CELF4: variants seen among roughly 807,000 people sequenced by gnomAD.
CELF4 encodes the protein CUG-BP- and ETR-3-like factor 4.
Under a neutral mutation model 59.9 loss-of-function variants are expected in CELF4, and 18 were observed. The ratio of observed to expected loss-of-function variants is 0.30; its 90% confidence interval spans 0.21 to 0.45. The LOEUF (loss-of-function observed/expected upper bound fraction) is 0.45. Among genes scored for constraint, CELF4 ranks in the 20% least tolerant of loss-of-function variants. CELF4 has a pLI of 1.00. For synonymous variants in CELF4, 261 were observed against 267.1 expected, an observed-to-expected ratio of 0.98 and a Z score of 0.22; for missense variants, 456 against 689.0, an observed-to-expected ratio of 0.66 and a Z score of 3.79.
intron 3 of CELF4, among the ~76,000 whole-genome samples, chr18:37,311,304 G>T (rs954165510): frequency 2.4e-4 from 36 of 152,118 alleles, no homozygotes; most frequent in African/African-American, 8.7e-4. Flanking sequence ...TGCCTGCTCC[G>T]CTGGTGCCTC....
intron 1 of CELF4, among the ~76,000 whole-genome samples, chr18:37,559,904 A>G (rs914152100): frequency 3.3e-5 from 5 of 152,194 alleles, no homozygotes; most frequent in African/African-American, 1.2e-4. Context: ...AGAACTCAGA[A>G]CTTCACTACA....
intron 3 of CELF4, among the ~76,000 whole-genome samples, chr18:37,295,595 C>T (rs1397151807): frequency 6.6e-6 from 1 of 152,116 alleles, no homozygotes; most frequent in Non-Finnish European, 1.5e-5. Flanking sequence ...ATGCACCAGT[C>T]ATCAGAAATA....
At chr18:37,352,204 CCTT>C (rs2098456269) in intron 2 of CELF4, among the ~76,000 whole-genome samples, 1 of 152,234 alleles carries the variant, frequency 6.6e-6, no homozygotes, top group Non-Finnish European at 1.5e-5. Context: ...AGGTGTCCCT[CCTT>C]CTGGGCAAGG....
intron 3 of CELF4, among the ~76,000 whole-genome samples, chr18:37,283,341 T>C (rs1464219186): frequency 2.6e-5 from 4 of 151,722 alleles, no homozygotes; most frequent in Non-Finnish European, 4.4e-5. Context: ...GCAGACCCTG[T>C]CTCTCCCCTG....
chr18:37,402,803 G>T (rs1444598900), intron 2 of CELF4, among the ~76,000 whole-genome samples: 1 of 152,112 alleles, frequency 6.6e-6, no homozygotes, highest in Non-Finnish European at 1.5e-5. Flanking sequence ...TTCTCTTCTG[G>T]GCAGCCCTGT....
At chr18:37,365,481 A>ATT (rs10670336) in intron 2 of CELF4, among the ~76,000 whole-genome samples, 6,360 of 97,710 alleles carry the variant, frequency 0.065, 657 homozygotes, top group African/African-American at 0.18. Flanking sequence ...GGATGGGGCA[A>ATT]TTTTTTTTTT....
In CELF4 at chr18:37,243,270, A is replaced by G. The variant is rs2060903659; in HGVS notation, c.*1972T>C. 6.6e-6 allele frequency: 1 copy of G among 150,856 alleles called. No homozygotes were observed. The highest frequency in any genetic ancestry group is 2.4e-5 in the African/African-American group (1 of 41,094). 9.3% of individuals were successfully genotyped at this position (150,856 alleles called of 1,614,324 possible). On this transcript the variant is annotated 3_prime_UTR_variant, in exon 13 of 13. Coordinates refer to ENST00000420428, the MANE Select transcript of CELF4 (RefSeq NM_020180.4). ...AAGAAAATGAAAAACAACAACAACA[A>G]CAAAATTGACAGAAAGAAAGGAAAG...
intron 3 of CELF4, among the ~76,000 whole-genome samples, chr18:37,311,574 G>C (rs1474054745): frequency 6.6e-6 from 1 of 152,096 alleles, no homozygotes; most frequent in Non-Finnish European, 1.5e-5. Context: ...TGGATCACGA[G>C]GTCACGAGTT....
intron 1 of CELF4, among the ~76,000 whole-genome samples, chr18:37,547,029 GA>G (rs2099981622): frequency 6.6e-6 from 1 of 152,190 alleles, no homozygotes; most frequent in South Asian, 2.1e-4. Context: ...CCAGCAGATG[GA>G]GGAAACAGAG....
At chr18:37,510,760 C>A (rs559239124) in intron 1 of CELF4, among the ~76,000 whole-genome samples, 1 of 152,318 alleles carries the variant, frequency 6.6e-6, no homozygotes, top group African/African-American at 2.4e-5. Flanking sequence ...AAACATCTTC[C>A]CTTCCTTCTC....
At chr18:37,314,475 AAAAG>A (rs2096790287) in intron 3 of CELF4, among the ~76,000 whole-genome samples, 1 of 152,188 alleles carries the variant, frequency 6.6e-6, no homozygotes, top group African/African-American at 2.4e-5. Context: ...GACAGACAGA[AAAAG>A]AAAGAAAGAA....
intron 2 of CELF4, among the ~76,000 whole-genome samples, chr18:37,455,483 G>C (rs1025118537): frequency 2.0e-5 from 3 of 152,186 alleles, no homozygotes; most frequent in African/African-American, 7.2e-5. Flanking sequence ...GGCTGTAGGG[G>C]GCAGGAAGGA....
intron 2 of CELF4, among the ~76,000 whole-genome samples, chr18:37,342,458 G>T (rs746168323): frequency 4.6e-5 from 7 of 152,196 alleles, no homozygotes; most frequent in Non-Finnish European, 8.8e-5. Context: ...GCCTGGTGGG[G>T]AAGGGGGCCT....
intron 3 of CELF4, chr18:37,306,116 G>A (rs1366182935): frequency 6.6e-6 from 1 of 152,256 alleles, no homozygotes; most frequent in Non-Finnish European, 1.5e-5. Context: ...AGCCCCCTGG[G>A]TTTTGAGCAA....
chr18:37,391,262 CT>C (rs1431695157), intron 2 of CELF4, among the ~76,000 whole-genome samples: 1 of 152,204 alleles, frequency 6.6e-6, no homozygotes, highest in East Asian at 1.9e-4. Flanking sequence ...GACCCCAAAC[CT>C]TTTCTTAACC....
chr18:37,257,498 A>G (rs934729557), intron 11 of CELF4, among the ~76,000 whole-genome samples: 4 of 152,188 alleles, frequency 2.6e-5, no homozygotes, highest in Non-Finnish European at 5.9e-5. Flanking sequence ...AAAGACCACA[A>G]GTTTCCTGTG....
intron 2 of CELF4, among the ~76,000 whole-genome samples, chr18:37,433,655 A>C (rs1324971062): frequency 1.3e-5 from 2 of 152,138 alleles, no homozygotes; most frequent in Non-Finnish European, 1.5e-5. Flanking sequence ...CAAGCATGGA[A>C]TGGGGTCACC....
chr18:37,524,520 C>A (rs973039050), intron 1 of CELF4, among the ~76,000 whole-genome samples: 4 of 152,194 alleles, frequency 2.6e-5, no homozygotes, highest in African/African-American at 9.7e-5. Flanking sequence ...ACTTGACGCG[C>A]CCTAATCCCT....
chr18:37,542,467 G>A (rs1203715786), intron 1 of CELF4, among the ~76,000 whole-genome samples: 3 of 152,176 alleles, frequency 2.0e-5, no homozygotes, highest in Non-Finnish European at 2.9e-5. Flanking sequence ...AGGCACAGGC[G>A]CTCTTCCCCA....
Sources: allele counts gnomAD v4.1 joint callset (sites outside exome capture counted in the v4.1 genomes callset), GRCh38; gene constraint gnomAD v4.1.1; transcripts MANE v1.5; gene names NCBI Gene and HGNC (gene_info 2026-07-23, HGNC 2026-07-21).